TCF4: variants seen among roughly 807,000 people sequenced by gnomAD.
TCF4 encodes transcription factor 4.
TCF4 carries 3 observed loss-of-function variants against 82.1 expected under a neutral mutation model. The ratio of observed to expected loss-of-function variants is 0.04; its 90% CI spans 0.02 to 0.09. TCF4 has a LOEUF of 0.09. Among genes scored for constraint, TCF4 ranks in the 10% least tolerant of loss-of-function variants. The probability of loss-of-function intolerance (pLI) is 1.00; values close to 1 mark genes in which losing one functional copy is unlikely to be tolerated. For synonymous variants in TCF4, 276 were observed against 309.6 expected (o/e 0.89, Z 1.14); for missense variants, 518 against 852.7 (o/e 0.61, Z 4.89).
chr18:55,485,493 G>C (rs1308627164), intron 3 of TCF4, among the ~76,000 whole-genome samples: 1 of 152,238 alleles, frequency 6.6e-6, no homozygotes. Flanking sequence ...TTCAGGAAAT[G>C]TATAAGTTAC....
chr18:55,548,971 G>GTACA (rs937655819), intron 3 of TCF4, among the ~76,000 whole-genome samples: 2 of 152,032 alleles, frequency 1.3e-5, no homozygotes, highest in Admixed American at 6.5e-5. Context: ...TATCAACATT[G>GTACA]TACATTAAGG....
intron 3 of TCF4, among the ~76,000 whole-genome samples, chr18:55,571,635 A>G (rs1359701438): frequency 1.3e-5 from 2 of 152,218 alleles, no homozygotes; most frequent in Admixed American, 6.5e-5. Context: ...ATTTTGAAGC[A>G]TGCAGTAGCA....
chr18:55,544,725 T>C lies in TCF4; in HGVS notation c.145+40555A>G, dbSNP rs114983135. On this transcript the variant is annotated intron_variant, in intron 3 of 19. Transcript: ENST00000354452. ...TTCCTAAAAACAGTAGCTGAATTCT[T>C]ATGATGCAGAAATTAATCACCTGCT... 1.3e-3 allele frequency among the ~76,000 whole-genome samples: 194 copies of C among 152,300 alleles called. 2 individuals are homozygous for C. Among genetic ancestry groups the C allele is most frequent in the African/African-American group, 4.5e-3 (185 of 41,564 alleles).
At chr18:55,332,322 A>G (rs1260370787) in intron 8 of TCF4, 1 of 151,920 alleles carries the variant, frequency 6.6e-6, no homozygotes, top group African/African-American at 2.4e-5. Flanking sequence ...CAGTACAGAA[A>G]AAAAAAAACA....
chr18:55,298,876 A>C (rs1293168851), intron 8 of TCF4, among the ~76,000 whole-genome samples: 1 of 152,224 alleles, frequency 6.6e-6, no homozygotes, highest in African/African-American at 2.4e-5. Context: ...AGAAAAAAAA[A>C]CTGTAGCCTC....
chr18:55,504,803 A>AT (rs1238981461), intron 3 of TCF4, among the ~76,000 whole-genome samples: 1 of 152,192 alleles, frequency 6.6e-6, no homozygotes, highest in East Asian at 1.9e-4. Context: ...TTAAAAACCA[A>AT]TCGAAGTATT....
rs181871950 is a variant in TCF4, at chr18:55,509,350, C to T, written c.146-45213G>A. 5.3e-5 allele frequency among the ~76,000 whole-genome samples: 8 copies of T among 152,236 alleles called. No homozygotes were observed. In the East Asian group the frequency reaches 1.2e-3, roughly 22 times the overall value. On this transcript the variant is annotated intron_variant, in intron 3 of 19. Transcript: ENST00000354452. ...ACACAGACAGACACACACACACACA[C>T]ACACAAACACTCAAACACCACCACC...
chr18:55,542,205 TAA>T (rs1015478833), intron 3 of TCF4, among the ~76,000 whole-genome samples: 27 of 152,088 alleles, frequency 1.8e-4, no homozygotes, highest in Middle Eastern at 3.4e-3. Context: ...TAGTGGCAAA[TAA>T]AAGTTTCTTT....
chr18:55,416,013 C>A (rs2094513614), intron 5 of TCF4, among the ~76,000 whole-genome samples: 3 of 152,126 alleles, frequency 2.0e-5, no homozygotes, highest in African/African-American at 7.2e-5. Context: ...TATTTTCCCA[C>A]TGGTTTGTGC....
At chr18:55,351,390 G>A (rs143289510) in intron 6 of TCF4, 2,603 of 232,746 alleles carry the variant, frequency 0.011, 26 homozygotes, top group Non-Finnish European at 0.016. Context: ...TTTTGTGAAC[G>A]CACACAACTT....
At chr18:55,530,816 T>C (rs1453762602) in intron 3 of TCF4, among the ~76,000 whole-genome samples, 1 of 152,112 alleles carries the variant, frequency 6.6e-6, no homozygotes, top group African/African-American at 2.4e-5. Context: ...TACAGATCTA[T>C]AGAGAAGGGT....
chr18:55,311,605 G>A (rs2072479516), intron 8 of TCF4, among the ~76,000 whole-genome samples: 1 of 152,122 alleles, frequency 6.6e-6, no homozygotes, highest in Non-Finnish European at 1.5e-5. Context: ...ACTAAACAAG[G>A]AAATAGCCAT....
intron 6 of TCF4, among the ~76,000 whole-genome samples, chr18:55,366,576 T>C (rs2087208159): frequency 6.6e-6 from 1 of 152,162 alleles, no homozygotes; most frequent in South Asian, 2.1e-4. Context: ...TAAAAGAAAA[T>C]TTACTACATC....
At chr18:55,301,812 A>AAAAT (rs1555848542) in intron 8 of TCF4, among the ~76,000 whole-genome samples, 6 of 101,034 alleles carry the variant, frequency 5.9e-5, no homozygotes, top group Non-Finnish European at 4.0e-5. Flanking sequence ...AAAAAAAAAA[A>AAAAT]GTGGGGGGGG....
chr18:55,548,556 T>C (rs1339107704), intron 3 of TCF4, among the ~76,000 whole-genome samples: 1 of 152,226 alleles, frequency 6.6e-6, no homozygotes, highest in Non-Finnish European at 1.5e-5. Flanking sequence ...AAATTAGTTA[T>C]GTGTTACTTA....
rs568765581 is a variant in TCF4 at position 55,498,514 on chromosome 18, G to A, written c.146-34377C>T. Among the ~76,000 whole-genome samples the A allele has an allele frequency of 1.2e-4, 19 of 152,308 alleles. No individual in the cohort carries two copies. In the East Asian group the frequency reaches 3.3e-3, roughly 26 times the overall value. ...GAAAGCCTTATGTAAACTTACGAGC[G>A]TGAGACCAACCATCAGGGTTCTGGG... On this transcript the variant is annotated intron_variant, in intron 3 of 19. Coordinates refer to ENST00000354452, the MANE Select transcript of TCF4 (RefSeq NM_001083962.2).
At position 55,259,941 on chromosome 18, in the gene TCF4, T is replaced by C; in HGVS notation, c.1069+8A>G. ...TTATATGATGAAATGGGATTTGAAA[T>C]ACACTACCTGAGAGAGATGGAGGAG... On this transcript the variant is annotated splice_region_variant and intron_variant, in intron 13 of 19. Transcript: ENST00000354452. 6.2e-7 allele frequency: 1 copy of C among 1,606,656 alleles called. No homozygotes were observed. Among genetic ancestry groups the C allele is most frequent in the Non-Finnish European group, 8.5e-7 (1 of 1,173,608 alleles).
At chr18:55,309,925 T>C (rs1378859209) in intron 8 of TCF4, among the ~76,000 whole-genome samples, 1 of 152,196 alleles carries the variant, frequency 6.6e-6, no homozygotes, top group Admixed American at 6.5e-5. Flanking sequence ...AAAATTACCA[T>C]CTTCCAGAAA....
Position 55,223,447 on chromosome 18 carries a change from AAC to A in TCF4, c.*4586_*4587del, listed in dbSNP as rs2046136974. ...AAAATGAAATGAAACAAGTGTCAGAAACAGTTTATAAAAATGGCACATTTATT... is the reference window on the plus strand; with the variant it reads ...AAAATGAAATGAAACAAGTGTCAGAAAGTTTATAAAAATGGCACATTTATT... On this transcript the variant is annotated 3_prime_UTR_variant, in exon 20 of 20. Transcript: ENST00000354452. 6.6e-6 allele frequency: 1 copy of A among 152,652 alleles called. No homozygotes were observed. The highest frequency in any genetic ancestry group is 2.4e-5 in the African/African-American group (1 of 41,460). 9.5% of individuals were successfully genotyped at this position (152,652 alleles called of 1,614,324 possible).
Sources: gnomAD v4.1 joint callset for allele counts (sites outside exome capture counted in the v4.1 genomes callset) on GRCh38, gnomAD v4.1.1 for gene constraint, MANE v1.5 for transcripts, NCBI Gene and HGNC (gene_info 2026-07-23, HGNC 2026-07-21) for gene names.